PLPPR5: variants seen among roughly 807,000 people sequenced by gnomAD.
PLPPR5 encodes the protein phospholipid phosphatase-related protein type 5.
A neutral mutation model predicts 33.9 loss-of-function variants in PLPPR5; 16 were observed. The observed-to-expected ratio is 0.47, with a 90% CI of 0.32 to 0.72. The LOEUF is 0.72. Among genes scored for constraint, PLPPR5 ranks in the 30% least tolerant of loss-of-function variants. PLPPR5 has a pLI of 0.03. For missense variants in PLPPR5, 301 were observed against 406.7 expected, an observed-to-expected ratio of 0.74 and a Z score of 2.23; for synonymous variants, 163 against 150.3, an observed-to-expected ratio of 1.08 and a Z score of -0.62.
At chr1:98,925,410 T>G (rs1649715181) in intron 3 of PLPPR5, among the ~76,000 whole-genome samples, 2 of 152,188 alleles carry the variant, frequency 1.3e-5, no homozygotes, top group Admixed American at 1.3e-4. Flanking sequence ...CCATTAGCAC[T>G]AAGATGCAGA....
chr1:98,980,416 T>C (rs558024240), intron 1 of PLPPR5, among the ~76,000 whole-genome samples: 1 of 152,238 alleles, frequency 6.6e-6, no homozygotes, highest in Non-Finnish European at 1.5e-5. Flanking sequence ...TCAAAACTTA[T>C]TTGTGTAAAA....
rs1652714405 is a variant in PLPPR5, at chr1:98,998,630, T to G, written c.237+5805A>C. Among the ~76,000 whole-genome samples, 3 of 152,168 alleles carry G rather than the reference T, an allele frequency of 2.0e-5. No homozygotes were observed. The South Asian group carries it at 6.2e-4, about 31-fold the overall frequency. ...TATGAGTAAAATCTTTAAAGACTAATTAACATGTTAGGATAAAAGTATATA... is the reference window on the plus strand; with the variant it reads ...TATGAGTAAAATCTTTAAAGACTAAGTAACATGTTAGGATAAAAGTATATA... On this transcript the variant is annotated intron_variant, in intron 1 of 5. Transcript: ENST00000263177.
intron 3 of PLPPR5, among the ~76,000 whole-genome samples, chr1:98,939,132 A>T (rs11166142): frequency 0.045 from 6,899 of 151,854 alleles, 501 homozygotes; most frequent in East Asian, 0.35. Flanking sequence ...AAATAAAATT[A>T]AAAAATTAAA....
rs931180184 is a variant in PLPPR5 at position 98,952,961 on chromosome 1, T to C, written c.621+109A>G. The C allele has an allele frequency of 2.3e-6, 3 of 1,304,984 alleles. No homozygotes were observed. The African/African-American group carries it at 4.5e-5, about 20-fold the overall frequency. 80.8% of individuals were successfully genotyped at this position (1,304,984 alleles called of 1,614,324 possible). On this transcript the variant is annotated intron_variant, in intron 3 of 5. Coordinates refer to ENST00000263177, the MANE Select transcript of PLPPR5 (RefSeq NM_001037317.2). The stretch of plus-strand genomic sequence containing the variant: ...ATAGATTAAATGGCCTACAGAAAGA[T>C]ATGAATGTGCTTTAAGTGACTTTCA...
At chr1:98,972,544 T>C (rs534619987) in intron 1 of PLPPR5, among the ~76,000 whole-genome samples, 22 of 152,226 alleles carry the variant, frequency 1.4e-4, no homozygotes, top group African/African-American at 4.6e-4. Context: ...ATGATACCAT[T>C]AGAATATTGA....
chr1:98,922,714 G>A (rs1483972913), intron 3 of PLPPR5, among the ~76,000 whole-genome samples: 1 of 152,234 alleles, frequency 6.6e-6, no homozygotes. Flanking sequence ...GGCCGGGCGC[G>A]GTGGCTCACT....
chr1:98,921,256 T>C (rs960895337), intron 4 of PLPPR5, among the ~76,000 whole-genome samples: 4 of 152,206 alleles, frequency 2.6e-5, no homozygotes, highest in African/African-American at 7.2e-5. Context: ...TCACTGTGTA[T>C]GCTCTTTACT....
intron 1 of PLPPR5, among the ~76,000 whole-genome samples, chr1:99,004,118 C>G (rs1272282928): frequency 1.3e-5 from 2 of 152,176 alleles, no homozygotes; most frequent in Non-Finnish European, 2.9e-5. Flanking sequence ...AGGTTCACCC[C>G]CAAAGCTCAC....
chr1:98,990,212 T>C (rs1157683308), intron 1 of PLPPR5, among the ~76,000 whole-genome samples: 1 of 151,778 alleles, frequency 6.6e-6, no homozygotes, highest in Non-Finnish European at 1.5e-5. Flanking sequence ...CTACTAAAAA[T>C]ACAAAAATTA....
intron 4 of PLPPR5, among the ~76,000 whole-genome samples, chr1:98,916,891 G>A: frequency 6.6e-6 from 1 of 152,164 alleles, no homozygotes; most frequent in Non-Finnish European, 1.5e-5. Context: ...ATAAGAAAAA[G>A]TGAGGGACAT....
At chr1:98,975,150 G>A (rs1651802545) in intron 1 of PLPPR5, among the ~76,000 whole-genome samples, 1 of 152,042 alleles carries the variant, frequency 6.6e-6, no homozygotes, top group African/African-American at 2.4e-5. Flanking sequence ...ATCGTCAGGA[G>A]AGTCTACCCT....
chr1:98,926,447 A>AGTGTGTGT (rs60874366), intron 3 of PLPPR5, among the ~76,000 whole-genome samples: 49 of 132,710 alleles, frequency 3.7e-4, no homozygotes, highest in African/African-American at 7.7e-4. Flanking sequence ...AGGTTTGATT[A>AGTGTGTGT]GTGTGTGTGT....
chr1:98,909,769 A>G (rs1649051763), intron 5 of PLPPR5, among the ~76,000 whole-genome samples: 1 of 152,160 alleles, frequency 6.6e-6, no homozygotes, highest in African/African-American at 2.4e-5. Flanking sequence ...TTCACTGCTC[A>G]TATATATTTT....
chr1:98,985,358 T>C (rs556460889), intron 1 of PLPPR5, among the ~76,000 whole-genome samples: 1 of 152,070 alleles, frequency 6.6e-6, no homozygotes, highest in Non-Finnish European at 1.5e-5. Context: ...CATAATAACA[T>C]TGTGGTCATT....
intron 1 of PLPPR5, among the ~76,000 whole-genome samples, chr1:98,977,793 G>T (rs1490965882): frequency 1.3e-5 from 2 of 151,566 alleles, no homozygotes; most frequent in African/African-American, 2.4e-5. Context: ...CCCAGAGAAG[G>T]CTCTTAAGGA....
intron 5 of PLPPR5, among the ~76,000 whole-genome samples, chr1:98,894,908 C>A (rs1451224418): frequency 2.6e-5 from 4 of 151,992 alleles, no homozygotes; most frequent in Admixed American, 6.6e-5. Flanking sequence ...ACCAAGTGCA[C>A]AAGTGCAAGC....
intron 1 of PLPPR5, among the ~76,000 whole-genome samples, chr1:98,996,238 A>G (rs1230148441): frequency 1.3e-5 from 2 of 151,980 alleles, no homozygotes; most frequent in Admixed American, 6.6e-5. Flanking sequence ...ATGAATTCAT[A>G]CAAGAAACTA....
intron 3 of PLPPR5, among the ~76,000 whole-genome samples, chr1:98,934,785 G>A (rs549000459): frequency 1.1e-4 from 16 of 152,138 alleles, no homozygotes; most frequent in African/African-American, 2.4e-4. Context: ...CAACCCGGAC[G>A]TGAGGGGAGT....
At chr1:98,974,017 G>C (rs907176194) in intron 1 of PLPPR5, among the ~76,000 whole-genome samples, 28 of 151,956 alleles carry the variant, frequency 1.8e-4, no homozygotes, top group African/African-American at 6.3e-4. Context: ...TTTCCGGGTA[G>C]TGAACCATGC....
Sources: gnomAD v4.1 joint callset for allele counts (sites outside exome capture counted in the v4.1 genomes callset) on GRCh38, gnomAD v4.1.1 for gene constraint, MANE v1.5 for transcripts, NCBI Gene and HGNC (gene_info 2026-07-23, HGNC 2026-07-21) for gene names.